The following QRICH2 variants were observed in gnomAD, a reference collection of about 807,000 sequenced individuals.
QRICH2 encodes the protein glutamine rich 2.
A neutral mutation model predicts 168.3 loss-of-function variants in QRICH2; 119 were observed. The ratio of observed to expected loss-of-function variants is 0.71; its 90% CI spans 0.61 to 0.82. The LOEUF (loss-of-function observed/expected upper bound fraction) is 0.82. Ranked by LOEUF, QRICH2 falls within the 40% of genes least tolerant of loss-of-function variation. The pLI is 0.00. For missense variants in QRICH2, 2,241 were observed against 2,491.6 expected, an observed-to-expected ratio of 0.90 and a Z score of 2.14; for synonymous variants, 894 against 951.2, an observed-to-expected ratio of 0.94 and a Z score of 1.11.
chr17:76,291,720 A>G lies in QRICH2; in HGVS notation c.3007T>C (p.Ser1003Pro). The change falls in exon 4 of 19, where the codon TCA (serine) becomes CCA (proline). Residue 1003 changes from serine to proline, a missense_variant. Transcript: ENST00000680821. ...TFQADSTGFI[S>P]VRPYQHGMVP... ...ATACCATGTTGATATGGACGTACTG[A>G]TATAAAACCTGTAGAATCTGCCTGG... 1.9e-6 allele frequency: 3 copies of G among 1,614,154 alleles called. No homozygotes were observed. The highest frequency in any genetic ancestry group is 2.5e-6 in the Non-Finnish European group (3 of 1,180,022).
intron 5 of QRICH2, 94 bp from the exon 6 acceptor site, chr17:76,287,991 C>T: frequency 9.3e-6 from 9 of 971,116 alleles, no homozygotes; most frequent in Non-Finnish European, 1.5e-5. Flanking sequence ...CCTCCCCGTT[C>T]CCTCTACTAA....
chr17:76,279,375 G>T lies in QRICH2; in HGVS notation c.4802C>A (p.Pro1601His). The T allele has an allele frequency of 6.2e-7, 1 of 1,612,852 alleles. No homozygotes were observed. The highest frequency in any genetic ancestry group is 1.1e-5 in the South Asian group (1 of 90,772). ...CLSCDRPLET[P>H]VTGHAIPVTP... ...TGTGGGCACTCACTGTCCAGTCACA[G>T]GTGTCTCCAAGGGCCGGTCACATGA... is the stretch of plus-strand genomic sequence containing the variant. Residue 1601 changes from proline (P) to histidine (H), a missense_variant, in exon 13 of 19, where the codon CCT (proline) becomes CAT (histidine). Pro to His is a moderately conservative substitution (Grantham distance 77). Coordinates refer to ENST00000680821, the MANE Select transcript of QRICH2 (RefSeq NM_001388453.1).
At chr17:76,286,055 G>A (rs1044293113) in intron 7 of QRICH2, among the ~76,000 whole-genome samples, 1 of 151,086 alleles carries the variant, frequency 6.6e-6, no homozygotes, top group Non-Finnish European at 1.5e-5. Flanking sequence ...GGTGCCTGTA[G>A]TCCCAGCTAC....
intron 4 of QRICH2, among the ~76,000 whole-genome samples, chr17:76,290,553 T>C (rs1334798371): frequency 5.3e-5 from 8 of 152,012 alleles, no homozygotes; most frequent in Non-Finnish European, 2.9e-5. Flanking sequence ...GCTAATTTTT[T>C]TTTTGTTTTT....
Position 76,281,085 on chromosome 17 carries a change from G to C in QRICH2, c.4264-132C>G. ...AGGCTGGGAGCGGTGGCTCATGCCT[G>C]TAGTCCTGGCACTTTGGGAAGCTGA... On this transcript the variant is annotated intron_variant, in intron 8 of 18. Coordinates refer to ENST00000680821, the MANE Select transcript of QRICH2 (RefSeq NM_001388453.1). The surrounding 1 kb of genome is among the most constrained non-coding windows in gnomAD (Gnocchi z 4.4). 7.9e-7 allele frequency: 1 copy of C among 1,265,364 alleles called. No individual in the cohort carries two copies. Among genetic ancestry groups the C allele is most frequent in the Non-Finnish European group, 1.1e-6 (1 of 933,204 alleles). The allele number at this position is 1,265,364 out of a possible 1,614,324, so 78.4% of individuals were successfully genotyped here.
intron 5 of QRICH2, among the ~76,000 whole-genome samples, chr17:76,288,292 G>A (rs1018643179): frequency 7.5e-5 from 11 of 147,592 alleles, no homozygotes; most frequent in Admixed American, 2.1e-4. Flanking sequence ...GCTGAGACAC[G>A]AGAATCATTT....
At position 76,287,882 on chromosome 17, in the gene QRICH2, T is replaced by C. The variant is rs937463180; in HGVS notation, c.3814A>G (p.Arg1272Gly). ...QEKAKVERLQRILEGEGNQEA... is the reference protein window; with the variant it reads ...QEKAKVERLQGILEGEGNQEA... ...TGATTCCCTTCCCCTTCCAGGATCC[T>C]CTGCAGCCTTTCCACCTACAAACCC... Residue 1272 changes from arginine (R) to glycine (G), a missense_variant, in exon 6 of 19, where the codon AGG (arginine) becomes GGG (glycine). Arg to Gly is a moderately radical substitution (Grantham distance 125). This residue lies in a region of QRICH2 where 2,047 missense variants were observed against 2,303.8 expected (regional missense o/e 0.89). Transcript: ENST00000680821. The C allele has an allele frequency of 3.1e-6, 5 of 1,614,002 alleles. No individual in the cohort carries two copies. The highest frequency in any genetic ancestry group is 1.6e-4 in the Middle Eastern group (1 of 6,062).
intron 7 of QRICH2, among the ~76,000 whole-genome samples, chr17:76,282,948 G>A (rs1006932842): frequency 7.2e-5 from 11 of 152,222 alleles, no homozygotes; most frequent in African/African-American, 1.9e-4. Context: ...GGAGAGTGAC[G>A]TGGGGGCTGA....
chr17:76,288,648 T>G (rs2070934612), intron 5 of QRICH2, among the ~76,000 whole-genome samples: 1 of 151,206 alleles, frequency 6.6e-6, no homozygotes, highest in South Asian at 2.1e-4. Flanking sequence ...GAGGTTGCAG[T>G]GAGCCGAGAT....
At chr17:76,287,432 A>C in intron 6 of QRICH2, 126 bp from the exon 7 acceptor site, 21 of 711,796 alleles carry the variant, frequency 3.0e-5, no homozygotes, top group Non-Finnish European at 4.7e-5. Context: ...CCCCCCTCCA[A>C]TGGATTTTGT....
chr17:76,290,164 C>T, intron 4 of QRICH2, 87 bp from the exon 5 acceptor site: 1 of 957,564 alleles, frequency 1.0e-6, no homozygotes, highest in Non-Finnish European at 1.7e-6. Flanking sequence ...AACACTGAAG[C>T]TACCCTAGAG....
At chr17:76,298,164 G>A (rs2070833136) in intron 3 of QRICH2, among the ~76,000 whole-genome samples, 1 of 127,374 alleles carries the variant, frequency 7.9e-6, no homozygotes. Context: ...GAGCCACGCT[G>A]CCTGGCTTTC....
intron 6 of QRICH2, 98 bp from the exon 7 acceptor site, chr17:76,287,404 G>A: frequency 1.2e-6 from 1 of 839,234 alleles, no homozygotes. Flanking sequence ...GACACAGCTG[G>A]AGGTCTCTCA....
Position 76,293,525 on chromosome 17 carries a change from C to T in QRICH2, c.1202G>A (p.Gly401Glu). 1 of 1,614,200 alleles carries T rather than the reference C, an allele frequency of 6.2e-7. No individual in the cohort carries two copies. ...GLEPTGMNQP[G>E]LVPASTYPHG... ...TGGGTAAGTGCTAGCAGGCACTAAT[C>T]CAGGCTGATTCATGCCAGTTGGTTC... The change falls in exon 4 of 19, where the codon GGA (glycine) becomes GAA (glutamate). Residue 401 changes from glycine to glutamate, a missense_variant. Physicochemically the swap from Gly to Glu is moderately conservative, Grantham distance 98. This residue lies in a region of QRICH2 where 2,047 missense variants were observed against 2,303.8 expected (regional missense o/e 0.89). Coordinates refer to ENST00000680821, the MANE Select transcript of QRICH2 (RefSeq NM_001388453.1).
intron 1 of QRICH2, 67 bp from the exon 2 acceptor site, chr17:76,305,008 C>T: frequency 1.9e-6 from 2 of 1,032,030 alleles, no homozygotes; most frequent in South Asian, 2.5e-5. Flanking sequence ...CATGCACACA[C>T]ACACAGATGC....
At position 76,293,655 on chromosome 17, in the gene QRICH2, G is replaced by A. The variant is rs758080262; in HGVS notation, c.1072C>T (p.Arg358Cys). 2.7e-5 allele frequency: 43 copies of A among 1,614,204 alleles called. No homozygotes were observed. Among genetic ancestry groups the A allele is most frequent in the South Asian group, 1.8e-4 (16 of 91,090 alleles). Residue 358 changes from arginine to cysteine, a missense_variant, in exon 4 of 19, where the codon CGT becomes TGT. By Grantham distance (180) the Arg-to-Cys change is radical. Transcript: ENST00000680821. ...AAGTCCTGTTGAACTGGACCAGGAC[G>A]TGCATTTCTTCTTGGTTGTGTCGAG... ...LTSTQPRRNARPGPVQQDLPL... is the reference protein window; with the variant it reads ...LTSTQPRRNACPGPVQQDLPL...
intron 3 of QRICH2, among the ~76,000 whole-genome samples, chr17:76,298,417 G>A (rs911366178): frequency 6.6e-6 from 1 of 151,286 alleles, no homozygotes; most frequent in Non-Finnish European, 1.5e-5. Flanking sequence ...CTGACCTGGT[G>A]ATCCGCCCGC....
rs765977664 is a variant in QRICH2 at position 76,307,736 on chromosome 17, C to A, written c.263G>T (p.Arg88Leu). The change falls in exon 1 of 19, where the codon CGC becomes CTC. Residue 88 changes from arginine (R) to leucine (L), a missense_variant. Physicochemically the swap from Arg to Leu is moderately radical, Grantham distance 102. This residue lies in a region of QRICH2 where 2,047 missense variants were observed against 2,303.8 expected (regional missense o/e 0.89). Coordinates refer to ENST00000680821, the MANE Select transcript of QRICH2 (RefSeq NM_001388453.1). This position sits in a 1 kb window ranked among gnomAD's most constrained non-coding sequence, Gnocchi z 5.3. ...EVPKGAPREK[R>L]RGVGQAPSSA... is the part of the protein sequence containing the mutation. ...CGAAGGCGCCTGGCCCACGCCCCTG[C>A]GCTTCTCCCGGGGCGCCCCCTTGGG... is the stretch of plus-strand genomic sequence containing the variant. 2.3e-5 allele frequency: 32 copies of A among 1,392,672 alleles called. No individual in the cohort carries two copies. The highest frequency in any genetic ancestry group is 2.7e-4 in the Middle Eastern group (1 of 3,744). 86.3% of individuals were successfully genotyped at this position (1,392,672 alleles called of 1,614,324 possible).
Position 76,274,188 on chromosome 17 carries a change from G to A in QRICH2, c.5555C>T (p.Pro1852Leu). 1 of 1,591,440 alleles carries A rather than the reference G, an allele frequency of 6.3e-7. No homozygotes were observed. Among genetic ancestry groups the A allele is most frequent in the East Asian group, 2.3e-5 (1 of 43,102 alleles). The change falls in exon 19 of 19, where the codon CCC becomes CTC. Residue 1852 changes from proline to leucine, a missense_variant. Physicochemically the swap from Pro to Leu is moderately conservative, Grantham distance 98. Coordinates refer to ENST00000680821, the MANE Select transcript of QRICH2 (RefSeq NM_001388453.1). ...RLSQPNTAHP[P>L]SSAAVANRGL... The stretch of plus-strand genomic sequence containing the variant: ...CCTGTTTGCCACCGCGGCGGAGCTG[G>A]GCGGGTGGGCTGTGTTCGGCTGGGA...
Sources: allele counts gnomAD v4.1 joint callset (sites outside exome capture counted in the v4.1 genomes callset), GRCh38; gene constraint gnomAD v4.1.1; regional missense constraint gnomAD v4.1.1; non-coding constraint Gnocchi (gnomAD v3.1); transcripts MANE v1.5; gene names NCBI Gene and HGNC (gene_info 2026-07-23, HGNC 2026-07-21).